ITPK1: variants seen among roughly 807,000 people sequenced by gnomAD.
ITPK1 encodes the protein inositol 1,3,4-trisphosphate 5/6-kinase.
A neutral mutation model predicts 45.3 loss-of-function variants in ITPK1; 21 were observed. The observed-to-expected ratio is 0.46, with a 90% CI of 0.33 to 0.67. ITPK1 has a LOEUF of 0.67. Among genes scored for constraint, ITPK1 ranks in the 30% least tolerant of loss-of-function variants. ITPK1 has a pLI of 0.02. For synonymous variants in ITPK1, 258 were observed against 253.6 expected (o/e 1.02, Z -0.16); for missense variants, 474 against 573.5 (o/e 0.83, Z 1.77).
chr14:92,954,087 G>A (rs1427344191), intron 8 of ITPK1, among the ~76,000 whole-genome samples: 2 of 152,132 alleles, frequency 1.3e-5, no homozygotes, highest in Non-Finnish European at 2.9e-5. Context: ...TAGAGACGGG[G>A]TTTTGCCATG....
At position 93,009,347 on chromosome 14, in the gene ITPK1, C is replaced by G. The variant is rs577318229; in HGVS notation, c.246+7329G>C. Among the ~76,000 whole-genome samples, 230 of 152,360 alleles carry G rather than the reference C, an allele frequency of 1.5e-3. 1 individual carries two copies. Among genetic ancestry groups the G allele is most frequent in the African/African-American group, 5.1e-3 (211 of 41,592 alleles). On this transcript the variant is annotated intron_variant, in intron 4 of 10. Coordinates refer to ENST00000267615, the MANE Select transcript of ITPK1 (RefSeq NM_014216.6). ...AAAACCCTGACCGTCCACACACAAG[C>G]AGAGGGGCTGCAGCCCACATGCTGG...
intron 3 of ITPK1, among the ~76,000 whole-genome samples, chr14:93,047,764 G>C (rs1889843041): frequency 6.6e-6 from 1 of 152,196 alleles, no homozygotes; most frequent in Non-Finnish European, 1.5e-5. Flanking sequence ...AGGCAAATAT[G>C]ATATGTATGT....
intron 3 of ITPK1, among the ~76,000 whole-genome samples, chr14:93,056,863 A>G (rs1275233179): frequency 6.6e-6 from 1 of 152,218 alleles, no homozygotes; most frequent in Non-Finnish European, 1.5e-5. Flanking sequence ...TAAACAACCC[A>G]TTTCAGAATT....
rs147691239 is a variant in ITPK1 at position 93,092,732 on chromosome 14, T to A, written c.96-16113A>T. Among the ~76,000 whole-genome samples the A allele has an allele frequency of 1.2e-3, 182 of 152,282 alleles. 2 individuals carry two copies. The East Asian group carries it at 0.031, about 26-fold the overall frequency. On this transcript the variant is annotated intron_variant, in intron 2 of 10. Coordinates refer to ENST00000267615, the MANE Select transcript of ITPK1 (RefSeq NM_014216.6). ...CCAGCCAAAGCTGGGCCTAATGTGG[T>A]CCTGGCTGATGTCCACTGGGTCAGC...
chr14:93,066,799 G>A (rs895631105), intron 3 of ITPK1, among the ~76,000 whole-genome samples: 3 of 152,148 alleles, frequency 2.0e-5, no homozygotes, highest in African/African-American at 7.2e-5. Flanking sequence ...GAAATACTCA[G>A]GGACGCTTCC....
intron 4 of ITPK1, among the ~76,000 whole-genome samples, chr14:93,001,966 G>T (rs1024232836): frequency 1.3e-5 from 2 of 152,160 alleles, no homozygotes; most frequent in African/African-American, 4.8e-5. Flanking sequence ...ACCACGCACG[G>T]GTCACAGACC....
chr14:93,063,885 C>T lies in ITPK1; in HGVS notation c.120+12710G>A, dbSNP rs1159524691. On this transcript the variant is annotated intron_variant, in intron 3 of 10. Transcript: ENST00000267615. This position sits in a 1 kb window ranked among gnomAD's most constrained non-coding sequence, Gnocchi z 4.3. ...GCCTGGGCTGCTCATAGAAGCCCAG[C>T]CCAGACGCCAAACGCACTTTGGAAT... 6.6e-6 allele frequency among the ~76,000 whole-genome samples: 1 copy of T among 152,146 alleles called. No homozygotes were observed. The highest frequency in any genetic ancestry group is 6.5e-5 in the Admixed American group (1 of 15,272).
intron 5 of ITPK1, among the ~76,000 whole-genome samples, chr14:92,984,363 T>C (rs1349668070): frequency 6.6e-6 from 1 of 152,246 alleles, no homozygotes; most frequent in Non-Finnish European, 1.5e-5. Flanking sequence ...GGGGACTCTA[T>C]AGTTAACTGG....
intron 2 of ITPK1, among the ~76,000 whole-genome samples, chr14:93,098,756 T>C (rs1398449596): frequency 6.6e-6 from 1 of 152,182 alleles, no homozygotes; most frequent in East Asian, 1.9e-4. Flanking sequence ...ACTTCAGGGC[T>C]GTCCACACGG....
At chr14:92,984,068 A>C (rs1367807658) in intron 5 of ITPK1, among the ~76,000 whole-genome samples, 3 of 152,236 alleles carry the variant, frequency 2.0e-5, no homozygotes, top group Non-Finnish European at 4.4e-5. Flanking sequence ...GCCTACTGTA[A>C]TGAAAAAATA....
At chr14:93,090,355 A>G (rs1193868897) in intron 2 of ITPK1, among the ~76,000 whole-genome samples, 2 of 152,184 alleles carry the variant, frequency 1.3e-5, no homozygotes, top group African/African-American at 4.8e-5. Context: ...AGGGCGGTCC[A>G]AGAGGAAGGA....
At chr14:93,097,330 G>A (rs769272235) in intron 2 of ITPK1, among the ~76,000 whole-genome samples, 22 of 152,192 alleles carry the variant, frequency 1.4e-4, no homozygotes, top group East Asian at 7.7e-4. Context: ...AGACACAAAC[G>A]GGCCTCCAGA....
chr14:93,008,773 C>T (rs1595132913), intron 4 of ITPK1, among the ~76,000 whole-genome samples: 4 of 152,364 alleles, frequency 2.6e-5, no homozygotes, highest in East Asian at 3.9e-4. Context: ...GAAGTCATGC[C>T]ACTCACACAA....
chr14:92,949,868 C>T (rs537830178), intron 9 of ITPK1, among the ~76,000 whole-genome samples: 18 of 152,308 alleles, frequency 1.2e-4, no homozygotes, highest in African/African-American at 4.1e-4. Context: ...GATCTGATGA[C>T]GTTCTGGAAA....
intron 3 of ITPK1, among the ~76,000 whole-genome samples, chr14:93,046,653 C>A (rs1202918382): frequency 6.6e-6 from 1 of 152,100 alleles, no homozygotes; most frequent in Non-Finnish European, 1.5e-5. Flanking sequence ...GAGTGGTCAA[C>A]TGGAAAGCAC....
In ITPK1 at chr14:92,941,199, T is replaced by C; in HGVS notation, c.*362A>G. 4 of 1,263,016 alleles carry C rather than the reference T, an allele frequency of 3.2e-6. No individual in the cohort carries two copies. The highest frequency in any genetic ancestry group is 4.0e-6 in the Non-Finnish European group (4 of 993,172). 78.2% of individuals were successfully genotyped at this position (1,263,016 alleles called of 1,614,324 possible). On this transcript the variant is annotated 3_prime_UTR_variant, in exon 11 of 11. Coordinates refer to ENST00000267615, the MANE Select transcript of ITPK1 (RefSeq NM_014216.6). The stretch of plus-strand genomic sequence containing the variant: ...TTCCCCCAAGGGTCCCGGTCCACAG[T>C]GGCCATGGAGACCAACAGACAGGGA...
chr14:93,047,297 T>C (rs1889819146), intron 3 of ITPK1, among the ~76,000 whole-genome samples: 1 of 152,212 alleles, frequency 6.6e-6, no homozygotes. Context: ...TAGAGTATCA[T>C]GTCATCCAGC....
chr14:93,007,692 C>T (rs1045258926), intron 4 of ITPK1, among the ~76,000 whole-genome samples: 1 of 152,138 alleles, frequency 6.6e-6, no homozygotes, highest in African/African-American at 2.4e-5. Context: ...ATCCTGCTGC[C>T]AGGGGTGACC....
chr14:93,094,637 GAGGCAGCC>G (rs944189413), intron 2 of ITPK1, among the ~76,000 whole-genome samples: 2 of 152,200 alleles, frequency 1.3e-5, no homozygotes, highest in Non-Finnish European at 2.9e-5. Flanking sequence ...GCTTCCCAGT[GAGGCAGCC>G]AGGCCCCAAG....
Sources: gnomAD v4.1 joint callset for allele counts (sites outside exome capture counted in the v4.1 genomes callset) on GRCh38, gnomAD v4.1.1 for gene constraint, Gnocchi (gnomAD v3.1) non-coding constraint, MANE v1.5 for transcripts, NCBI Gene and HGNC (gene_info 2026-07-23, HGNC 2026-07-21) for gene names.